The following GRIN2B variants were observed in gnomAD, a reference collection of about 807,000 sequenced individuals.
The protein encoded by GRIN2B is glutamate ionotropic receptor NMDA type subunit 2B, also known as glutamate receptor ionotropic, NMDA 2B.
Under a neutral mutation model 114.5 loss-of-function variants are expected in GRIN2B, and 5 were observed. That is an observed-to-expected ratio of 0.04 (90% confidence interval 0.02 to 0.09). GRIN2B has a LOEUF of 0.09. Among genes scored for constraint, GRIN2B ranks in the 10% least tolerant of loss-of-function variants. The pLI, the probability that GRIN2B is intolerant of heterozygous loss-of-function variation, is 1.00. For synonymous variants in GRIN2B, 787 were observed against 745.1 expected (o/e 1.06, Z -0.92); for missense variants, 1,108 against 1,943.5 (o/e 0.57, Z 8.08).
At chr12:13,603,805 C>T (rs1292856467) in intron 10 of GRIN2B, among the ~76,000 whole-genome samples, 2 of 151,790 alleles carry the variant, frequency 1.3e-5, no homozygotes, top group Non-Finnish European at 2.9e-5. Flanking sequence ...AGGAGAAGCA[C>T]CCTGGCAGAG....
chr12:13,815,170 G>A (rs990239527), intron 3 of GRIN2B, among the ~76,000 whole-genome samples: 14 of 152,256 alleles, frequency 9.2e-5, no homozygotes, highest in East Asian at 5.8e-4. Flanking sequence ...ATCAGTGGCC[G>A]AATAAATGAA....
intron 2 of GRIN2B, among the ~76,000 whole-genome samples, chr12:13,924,747 C>T (rs1866886507): frequency 6.6e-6 from 1 of 152,168 alleles, no homozygotes; most frequent in Non-Finnish European, 1.5e-5. Context: ...ATATTTCTCA[C>T]ACCATGGCAA....
chr12:13,837,949 A>C (rs1027663499), intron 3 of GRIN2B, among the ~76,000 whole-genome samples: 2 of 152,228 alleles, frequency 1.3e-5, no homozygotes, highest in African/African-American at 4.8e-5. Context: ...TAACAAATGC[A>C]AATAAATATT....
intron 2 of GRIN2B, among the ~76,000 whole-genome samples, chr12:13,961,996 A>T (rs956614102): frequency 3.3e-5 from 5 of 152,160 alleles, no homozygotes; most frequent in African/African-American, 1.2e-4. Flanking sequence ...CAGAAATCAG[A>T]ATCAGTGCCC....
chr12:13,776,142 T>C (rs1466056884), intron 3 of GRIN2B, among the ~76,000 whole-genome samples: 5 of 152,164 alleles, frequency 3.3e-5, no homozygotes, highest in South Asian at 2.1e-4. Context: ...TGGATGGAGC[T>C]GGAAGTGGTT....
At chr12:13,622,212 T>C (rs181611411) in intron 5 of GRIN2B, among the ~76,000 whole-genome samples, 3 of 152,368 alleles carry the variant, frequency 2.0e-5, no homozygotes, top group Admixed American at 2.0e-4. Context: ...TTTTGTTTTT[T>C]GCTTGAGATG....
At chr12:13,862,043 T>C (rs10845844) in intron 3 of GRIN2B, among the ~76,000 whole-genome samples, 54,263 of 152,050 alleles carry the variant, frequency 0.36, 9,957 homozygotes, top group Middle Eastern at 0.41. Context: ...GTCCTGATTC[T>C]AACATTTAGG....
intron 4 of GRIN2B, among the ~76,000 whole-genome samples, chr12:13,730,758 C>G (rs941499325): frequency 5.3e-5 from 8 of 152,080 alleles, no homozygotes; most frequent in African/African-American, 1.9e-4. Flanking sequence ...CATTAGGCAA[C>G]TGAGCAGAAT....
intron 3 of GRIN2B, among the ~76,000 whole-genome samples, chr12:13,836,499 G>A (rs886625310): frequency 6.6e-6 from 1 of 152,202 alleles, no homozygotes; most frequent in African/African-American, 2.4e-5. Context: ...AGTTTTCTGC[G>A]TGGCTCTGAA....
At chr12:13,905,715 A>G (rs1866525423) in intron 2 of GRIN2B, among the ~76,000 whole-genome samples, 1 of 152,162 alleles carries the variant, frequency 6.6e-6, no homozygotes, top group African/African-American at 2.4e-5. Flanking sequence ...ATCTCAAACT[A>G]AATTCACTGC....
intron 3 of GRIN2B, among the ~76,000 whole-genome samples, chr12:13,770,894 C>T (rs1049674061): frequency 1.3e-5 from 2 of 152,186 alleles, no homozygotes; most frequent in African/African-American, 2.4e-5. Flanking sequence ...GAAACCCCTA[C>T]AAAGTTTTAC....
Position 13,954,811 on chromosome 12 carries a change from G to GAAAAAAAAAAAAAAAAAAAAAAA in GRIN2B, c.-19+25116_-19+25117insTTTTTTTTTTTTTTTTTTTTTTT, listed in dbSNP as rs61525874. Among the ~76,000 whole-genome samples, 90 of 25,530 alleles carry GAAAAAAAAAAAAAAAAAAAAAAA rather than the reference G, an allele frequency of 3.5e-3. 19 individuals are homozygous for GAAAAAAAAAAAAAAAAAAAAAAA. The highest frequency in any genetic ancestry group is 6.4e-3 in the Non-Finnish European group (64 of 9,940). The allele number at this position is 25,530 out of a possible 152,430, so 16.7% of individuals were successfully genotyped here. ...GTGACAGAGTGAGACTCCGTCTCAG[G>GAAAAAAAAAAAAAAAAAAAAAAA]AAAAAAAAAAAAAAAAAACTTTTTC... is the stretch of plus-strand genomic sequence containing the variant. On this transcript the variant is annotated intron_variant, in intron 2 of 13. Coordinates refer to ENST00000609686, the MANE Select transcript of GRIN2B (RefSeq NM_000834.5).
chr12:13,562,625 C>T lies in GRIN2B; in HGVS notation c.*158G>A. On this transcript the variant is annotated 3_prime_UTR_variant, in exon 14 of 14. Transcript: ENST00000609686. Reference sequence around the variant, plus strand: ...GATGGTGCTGGTCACCAGGGTTGCCCCCAGTAGGAACCAGAACTCCAGGAT... The same window carrying T: ...GATGGTGCTGGTCACCAGGGTTGCCTCCAGTAGGAACCAGAACTCCAGGAT... 2 of 693,320 alleles carry T rather than the reference C, an allele frequency of 2.9e-6. No individual in the cohort carries two copies. Among genetic ancestry groups the T allele is most frequent in the South Asian group, 3.4e-5 (2 of 59,652 alleles). 42.9% of individuals were successfully genotyped at this position (693,320 alleles called of 1,614,324 possible). A position where few individuals can be genotyped will look rare whatever the true frequency, so the allele number is the denominator to read the frequency against.
intron 9 of GRIN2B, among the ~76,000 whole-genome samples, chr12:13,609,450 T>C (rs1178380596): frequency 6.6e-6 from 1 of 152,150 alleles, no homozygotes; most frequent in East Asian, 1.9e-4. Context: ...ACTTCCCAAC[T>C]GGTTTCCTGT....
intron 3 of GRIN2B, among the ~76,000 whole-genome samples, chr12:13,783,846 A>C (rs1274657842): frequency 6.6e-6 from 1 of 152,130 alleles, no homozygotes; most frequent in African/African-American, 2.4e-5. Context: ...GAACTAGAAG[A>C]GGCTGAGCCT....
chr12:13,746,001 T>C (rs73053620), intron 4 of GRIN2B, among the ~76,000 whole-genome samples: 25,049 of 152,138 alleles, frequency 0.16, 2,628 homozygotes, highest in Non-Finnish European at 0.24. Flanking sequence ...TCATTGAGCA[T>C]GAATTCTGCT....
chr12:13,795,267 A>G (rs139647426), intron 3 of GRIN2B, among the ~76,000 whole-genome samples: 137 of 152,344 alleles, frequency 9.0e-4, no homozygotes, highest in African/African-American at 3.1e-3. Context: ...AAAAAAGTTA[A>G]CACATCAGGG....
At chr12:13,855,929 T>C (rs1265487879) in intron 3 of GRIN2B, among the ~76,000 whole-genome samples, 1 of 152,194 alleles carries the variant, frequency 6.6e-6, no homozygotes, top group African/African-American at 2.4e-5. Context: ...CCTGACACTA[T>C]GTGCTAGGAA....
intron 2 of GRIN2B, among the ~76,000 whole-genome samples, chr12:13,867,709 T>C (rs1413023691): frequency 6.6e-6 from 1 of 152,198 alleles, no homozygotes. Context: ...AACACAGTTA[T>C]GTAATTATCC....
Sources: gnomAD v4.1 joint callset for allele counts (sites outside exome capture counted in the v4.1 genomes callset) on GRCh38, gnomAD v4.1.1 for gene constraint, MANE v1.5 for transcripts, NCBI Gene and HGNC (gene_info 2026-07-23, HGNC 2026-07-21) for gene names.